The following IL31RA variants were observed in gnomAD, a reference collection of about 807,000 sequenced individuals.
IL31RA encodes interleukin 31 receptor A.
In IL31RA, 66 loss-of-function variants were observed where a neutral mutation model predicts 83.7. The observed-to-expected ratio is 0.79, with a 90% CI of 0.65 to 0.97. IL31RA has a LOEUF of 0.97. IL31RA is among the 50% of genes least tolerant of loss of function. The pLI is 0.00. For missense variants in IL31RA, 798 were observed against 919.4 expected (o/e 0.87, Z 1.71); for synonymous variants, 325 against 329.0 (o/e 0.99, Z 0.13).
chr5:55,906,063 A>C, intron 8 of IL31RA, 43 bp from the exon 9 acceptor site: 1 of 1,595,430 alleles, frequency 6.3e-7, no homozygotes. Context: ...CATTTGGGGA[A>C]TGAGTTGGGT....
chr5:55,899,544 A>G (rs1305432566), intron 7 of IL31RA, among the ~76,000 whole-genome samples: 2 of 152,256 alleles, frequency 1.3e-5, no homozygotes, highest in African/African-American at 4.8e-5. Flanking sequence ...GATGACTCAG[A>G]GCCAGACCAG....
chr5:55,895,306 G>A (rs1443073967), intron 6 of IL31RA, among the ~76,000 whole-genome samples: 5 of 152,140 alleles, frequency 3.3e-5, no homozygotes, highest in African/African-American at 9.7e-5. Context: ...TGGGTGGGTC[G>A]TTCTCTAATC....
intron 5 of IL31RA, among the ~76,000 whole-genome samples, chr5:55,883,453 C>G (rs1747388388): frequency 6.6e-6 from 1 of 152,128 alleles, no homozygotes; most frequent in Non-Finnish European, 1.5e-5. Context: ...TGCATTATAT[C>G]CAAGTTTGTG....
intron 4 of IL31RA, among the ~76,000 whole-genome samples, chr5:55,875,254 T>C (rs571640536): frequency 6.6e-6 from 1 of 152,332 alleles, no homozygotes; most frequent in Non-Finnish European, 1.5e-5. Flanking sequence ...TATATGTCGC[T>C]GAATTTGGAT....
rs977665850 is a variant in IL31RA, at chr5:55,914,898, T to C, written c.1788T>C (p.Ser596=). The C allele has an allele frequency of 6.2e-7, 1 of 1,613,382 alleles. No homozygotes were observed. Among genetic ancestry groups the C allele is most frequent in the African/African-American group, 1.3e-5 (1 of 74,918 alleles). ...WPTVPNPAES[S]IATWHGDDFK... Reference sequence around the variant, plus strand: ...CCGTTCCCAACCCTGCTGAAAGTAGTATAGCCACATGGCATGGAGATGATT... The same window carrying C: ...CCGTTCCCAACCCTGCTGAAAGTAGCATAGCCACATGGCATGGAGATGATT... Residue 596 remains serine (S), a synonymous_variant, in exon 14 of 15, where the codon AGT becomes AGC. Coordinates refer to ENST00000652347, the MANE Select transcript of IL31RA (RefSeq NM_139017.7).
intron 10 of IL31RA, among the ~76,000 whole-genome samples, chr5:55,908,062 G>C (rs4865998): frequency 0.21 from 32,071 of 152,146 alleles, 4,239 homozygotes; most frequent in East Asian, 0.48. Flanking sequence ...AAGTGGTCTT[G>C]TTGCCACTTC....
chr5:55,900,183 C>A, intron 8 of IL31RA, 51 bp downstream of exon 8: 1 of 1,309,018 alleles, frequency 7.6e-7, no homozygotes, highest in Non-Finnish European at 1.1e-6. Flanking sequence ...ATCAATTGGC[C>A]AAGGAGCAGT....
At chr5:55,887,839 C>A (rs559984346) in intron 5 of IL31RA, among the ~76,000 whole-genome samples, 33 of 151,644 alleles carry the variant, frequency 2.2e-4, no homozygotes, top group African/African-American at 7.3e-4. Context: ...GAGCCGAGAT[C>A]GCCACCGTAC....
At chr5:55,851,104 AAAAAAAAG>A (rs1745046075), upstream of IL31RA, among the ~76,000 whole-genome samples, 3 of 152,270 alleles carry the variant, frequency 2.0e-5, 1 homozygote, top group South Asian at 4.2e-4. Context: ...TCAGAAGAAA[AAAAAAAAG>A]AAAAAAAGAA....
intron 3 of IL31RA, among the ~76,000 whole-genome samples, chr5:55,870,642 C>A (rs1746453446): frequency 6.6e-6 from 1 of 152,172 alleles, no homozygotes; most frequent in South Asian, 2.1e-4. Context: ...AGGCCTATAC[C>A]CAGCTCCCCT....
chr5:55,878,556 G>A (rs1187806245), intron 4 of IL31RA, among the ~76,000 whole-genome samples: 1 of 152,238 alleles, frequency 6.6e-6, no homozygotes, highest in Non-Finnish European at 1.5e-5. Flanking sequence ...TCAGCCCAAG[G>A]TGAAAACTTA....
chr5:55,883,255 C>A, intron 5 of IL31RA, 60 bp downstream of exon 5: 2 of 1,372,982 alleles, frequency 1.5e-6, no homozygotes, highest in South Asian at 1.2e-5. Context: ...GAATCATTGA[C>A]AACTATTGTT....
At chr5:55,915,463 C>A (rs1749730498) in intron 14 of IL31RA, among the ~76,000 whole-genome samples, 1 of 152,084 alleles carries the variant, frequency 6.6e-6, no homozygotes, top group Non-Finnish European at 1.5e-5. Context: ...ACTAGAAACC[C>A]TCCATTTGCA....
chr5:55,905,822 G>GT (rs1749113212), intron 8 of IL31RA, among the ~76,000 whole-genome samples: 1 of 152,206 alleles, frequency 6.6e-6, no homozygotes, highest in African/African-American at 2.4e-5. Flanking sequence ...CCTGTGGAAG[G>GT]TAAGTCTTTT....
chr5:55,898,165 G>A (rs1055032848), intron 7 of IL31RA, among the ~76,000 whole-genome samples: 3 of 152,158 alleles, frequency 2.0e-5, no homozygotes, highest in Non-Finnish European at 4.4e-5. Flanking sequence ...CATTTTTGGG[G>A]GAGGAAAGCC....
intron 4 of IL31RA, among the ~76,000 whole-genome samples, chr5:55,875,019 C>G (rs541161883): frequency 2.6e-4 from 40 of 152,238 alleles, no homozygotes; most frequent in African/African-American, 9.4e-4. Flanking sequence ...TTGGTAGATA[C>G]CCATTGCACA....
intron 6 of IL31RA, among the ~76,000 whole-genome samples, chr5:55,895,525 C>T (rs1464895419): frequency 6.6e-6 from 1 of 152,202 alleles, no homozygotes; most frequent in Non-Finnish European, 1.5e-5. Context: ...TTGTCTCAGA[C>T]TGTGTTGTTT....
chr5:55,847,241 A>T (rs200936220), upstream of IL31RA, among the ~76,000 whole-genome samples: 8 of 15,076 alleles, frequency 5.3e-4, no homozygotes, highest in African/African-American at 1.4e-3. Context: ...AAAAAAAAAA[A>T]TAAAAATAAA....
intron 12 of IL31RA, 71 bp from the exon 13 acceptor site, chr5:55,913,406 A>G (rs771987246): frequency 5.0e-5 from 48 of 961,912 alleles, no homozygotes; most frequent in South Asian, 1.3e-4. Flanking sequence ...ACTAGAAGAA[A>G]AAGTTAATCA....
Sources: allele counts gnomAD v4.1 joint callset (sites outside exome capture counted in the v4.1 genomes callset), GRCh38; gene constraint gnomAD v4.1.1; transcripts MANE v1.5; gene names NCBI Gene and HGNC (gene_info 2026-07-23, HGNC 2026-07-21).